The following NRXN3 variants were observed in gnomAD, a reference collection of about 807,000 sequenced individuals.
The protein encoded by NRXN3 is neurexin 3, also known as neurexin III.
A neutral mutation model predicts 137.6 loss-of-function variants in NRXN3; 32 were observed. That is an observed-to-expected ratio of 0.23 (90% CI 0.18 to 0.31). The LOEUF is 0.31. Ranked by LOEUF, NRXN3 falls within the 10% of genes least tolerant of loss-of-function variation. NRXN3 has a pLI of 1.00. For missense variants in NRXN3, 1,574 were observed against 2,062.5 expected (o/e 0.76, Z 4.59); for synonymous variants, 798 against 784.5 (o/e 1.02, Z -0.29).
At chr14:79,126,368 C>T (rs531054067) in intron 15 of NRXN3, among the ~76,000 whole-genome samples, 1 of 133,276 alleles carries the variant, frequency 7.5e-6, no homozygotes, top group Non-Finnish European at 1.5e-5. Flanking sequence ...TGTTCCCCTT[C>T]CTGTGTCCAT....
At chr14:79,752,082 C>T (rs1013322700) in intron 19 of NRXN3, among the ~76,000 whole-genome samples, 21 of 152,128 alleles carry the variant, frequency 1.4e-4, no homozygotes, top group Admixed American at 1.4e-3. Context: ...TGATGCTGGC[C>T]TCATAAAACG....
At chr14:78,624,928 G>A (rs988894337) in intron 4 of NRXN3, among the ~76,000 whole-genome samples, 21 of 151,988 alleles carry the variant, frequency 1.4e-4, no homozygotes, top group Non-Finnish European at 1.6e-4. Flanking sequence ...TGCAACCTCC[G>A]CCTCCCAGGT....
intron 10 of NRXN3, among the ~76,000 whole-genome samples, chr14:78,923,090 G>A (rs1325797437): frequency 6.6e-6 from 1 of 152,036 alleles, no homozygotes; most frequent in African/African-American, 2.4e-5. Context: ...GGTTTTTCTG[G>A]ACCCCTCTTT....
At chr14:79,682,181 CT>C (rs2098674025) in intron 17 of NRXN3, among the ~76,000 whole-genome samples, 1 of 151,938 alleles carries the variant, frequency 6.6e-6, no homozygotes, top group Non-Finnish European at 1.5e-5. Context: ...CTCTTTTCTT[CT>C]TTTCTTTTTA....
Position 79,684,759 on chromosome 14 carries a change from G to C in NRXN3, c.3617-7414G>C, listed in dbSNP as rs142681513. 3.9e-5 allele frequency among the ~76,000 whole-genome samples: 6 copies of C among 152,210 alleles called. No individual in the cohort carries two copies. The East Asian group carries it at 1.2e-3, about 29-fold the overall frequency. ...GGCATTCTGGCTTCAAAAACCTTGCGTTTGATGTTCTCTACTTAGAAATAA... is the reference window on the plus strand; with the variant it reads ...GGCATTCTGGCTTCAAAAACCTTGCCTTTGATGTTCTCTACTTAGAAATAA... On this transcript the variant is annotated intron_variant, in intron 17 of 20. Transcript: ENST00000335750.
intron 4 of NRXN3, among the ~76,000 whole-genome samples, chr14:78,423,381 A>G (rs190880247): frequency 8.4e-4 from 128 of 152,332 alleles, no homozygotes; most frequent in African/African-American, 3.0e-3. Context: ...CTAAGGGGAA[A>G]AAATCAGCCC....
intron 4 of NRXN3, among the ~76,000 whole-genome samples, chr14:78,404,837 A>G (rs2092376565): frequency 6.6e-6 from 1 of 152,200 alleles, no homozygotes; most frequent in Non-Finnish European, 1.5e-5. Context: ...TGAAGAAATG[A>G]GTTCTGTTAA....
intron 1 of NRXN3, among the ~76,000 whole-genome samples, chr14:78,233,370 T>C (rs916149084): frequency 1.3e-5 from 2 of 152,194 alleles, no homozygotes; most frequent in African/African-American, 4.8e-5. Context: ...GCTTATGCCC[T>C]ACTTGTCCTT....
intron 15 of NRXN3, among the ~76,000 whole-genome samples, chr14:79,393,246 A>G (rs1350123643): frequency 6.6e-6 from 1 of 152,148 alleles, no homozygotes; most frequent in Admixed American, 6.5e-5. Context: ...GAAAGAGAAG[A>G]ACACAGAAAG....
At chr14:79,149,209 G>T (rs2153025396) in intron 15 of NRXN3, among the ~76,000 whole-genome samples, 1 of 152,226 alleles carries the variant, frequency 6.6e-6, no homozygotes, top group East Asian at 1.9e-4. Flanking sequence ...AGGGAAGCCA[G>T]ATCATTTCCA....
At chr14:79,815,039 C>T (rs1251985721) in intron 20 of NRXN3, among the ~76,000 whole-genome samples, 1 of 152,184 alleles carries the variant, frequency 6.6e-6, no homozygotes, top group Non-Finnish European at 1.5e-5. Context: ...AACACTTCAA[C>T]TTTGACCTAA....
intron 15 of NRXN3, among the ~76,000 whole-genome samples, chr14:79,071,317 G>A (rs1303659813): frequency 6.6e-6 from 1 of 151,998 alleles, no homozygotes; most frequent in Non-Finnish European, 1.5e-5. Flanking sequence ...ATGTGCCATG[G>A]TGGTTTGCTG....
intron 19 of NRXN3, among the ~76,000 whole-genome samples, chr14:79,771,433 A>G (rs563996724): frequency 0.029 from 4,454 of 151,352 alleles, 152 homozygotes; most frequent in African/African-American, 0.098. Context: ...CACCATGATC[A>G]AGTGGGCTTC....
At position 78,767,102 on chromosome 14, in the gene NRXN3, G is replaced by C. The variant is rs2098711566; in HGVS notation, c.2045-36518G>C. The stretch of plus-strand genomic sequence containing the variant: ...CAGGCATGAATTAGTTGGGTTCTTT[G>C]CTTTAAAACTGCACAAAGATGCAAT... On this transcript the variant is annotated intron_variant, in intron 8 of 20. Transcript: ENST00000335750. Among the ~76,000 whole-genome samples the C allele has an allele frequency of 3.9e-5, 6 of 152,102 alleles. No individual in the cohort carries two copies. The South Asian group carries it at 1.0e-3, about 26-fold the overall frequency.
intron 15 of NRXN3, among the ~76,000 whole-genome samples, chr14:79,373,279 T>C (rs1357351796): frequency 6.6e-6 from 1 of 152,062 alleles, no homozygotes; most frequent in Non-Finnish European, 1.5e-5. Context: ...CACAAAATGC[T>C]CATGGAAAAC....
At chr14:78,986,617 A>G (rs1265637743) in intron 14 of NRXN3, among the ~76,000 whole-genome samples, 1 of 152,216 alleles carries the variant, frequency 6.6e-6, no homozygotes, top group African/African-American at 2.4e-5. Flanking sequence ...AGACACACAG[A>G]AATAGAAATA....
Position 79,861,942 on chromosome 14 carries a change from AGGACAG to A in NRXN3, c.4698_4703del (p.Asp1566_Arg1567del). 1 of 1,613,394 alleles carries A rather than the reference AGGACAG, an allele frequency of 6.2e-7. No individual in the cohort carries two copies. Among genetic ancestry groups the A allele is most frequent in the Non-Finnish European group, 8.5e-7 (1 of 1,179,646 alleles). On this transcript the variant is annotated inframe_deletion, in exon 21 of 21. Transcript: ENST00000335750. This position sits in a 1 kb window ranked among gnomAD's most constrained non-coding sequence, Gnocchi z 5.4. ...AGCGGCCACAAGAAACAGAAAAACAAGGACAGGGAGTATTACGTGTAAACATGCGAA... is the reference window on the plus strand; with the variant it reads ...AGCGGCCACAAGAAACAGAAAAACAAGGAGTATTACGTGTAAACATGCGAA...
chr14:78,205,409 C>T (rs1566965710), intron 1 of NRXN3, among the ~76,000 whole-genome samples: 2 of 152,180 alleles, frequency 1.3e-5, no homozygotes, highest in African/African-American at 2.4e-5. Context: ...TTCAGATTGG[C>T]TGAGACGATG....
chr14:79,234,322 ATATATATATATATATAT>A (rs2072923460), intron 15 of NRXN3, among the ~76,000 whole-genome samples: 1 of 111,810 alleles, frequency 8.9e-6, no homozygotes, highest in African/African-American at 4.0e-5. Flanking sequence ...ATATATATAT[ATATATATATATATATAT>A]AATATTTATA....
Sources: allele counts gnomAD v4.1 joint callset (sites outside exome capture counted in the v4.1 genomes callset), GRCh38; gene constraint gnomAD v4.1.1; non-coding constraint Gnocchi (gnomAD v3.1); transcripts MANE v1.5; gene names NCBI Gene and HGNC (gene_info 2026-07-23, HGNC 2026-07-21).